Variants in TOX observed in about 807,000 individuals in gnomAD.
TOX encodes the protein thymocyte selection-associated high mobility group box protein TOX.
In TOX, 11 loss-of-function variants were observed where a neutral mutation model predicts 53.7. That is an observed-to-expected ratio of 0.20 (90% CI 0.13 to 0.34). The LOEUF (loss-of-function observed/expected upper bound fraction) is 0.34, where lower values mean the gene tolerates loss of function less well. Among genes scored for constraint, TOX ranks in the 10% least tolerant of loss-of-function variants. The probability of loss-of-function intolerance (pLI) is 1.00; values close to 1 mark genes in which losing one functional copy is unlikely to be tolerated. For missense variants in TOX, 570 were observed against 664.6 expected, an observed-to-expected ratio of 0.86 and a Z score of 1.56; for synonymous variants, 225 against 245.3, an observed-to-expected ratio of 0.92 and a Z score of 0.77.
intron 1 of TOX, among the ~76,000 whole-genome samples, chr8:59,090,099 G>A (rs1335936043): frequency 6.6e-6 from 1 of 152,232 alleles, no homozygotes; most frequent in Admixed American, 6.5e-5. Flanking sequence ...AGTTAAAGAA[G>A]TGACAATATT....
intron 2 of TOX, among the ~76,000 whole-genome samples, chr8:58,952,516 C>A (rs1812637304): frequency 6.6e-6 from 1 of 152,154 alleles, no homozygotes; most frequent in Non-Finnish European, 1.5e-5. Context: ...TGTAAACAAG[C>A]CAAATGGCTG....
At chr8:58,810,828 C>A (rs1309688312) in intron 7 of TOX, among the ~76,000 whole-genome samples, 1 of 151,986 alleles carries the variant, frequency 6.6e-6, no homozygotes, top group Non-Finnish European at 1.5e-5. Flanking sequence ...CACCCCCTTT[C>A]GCTGCCCTTC....
At chr8:58,915,846 G>C (rs1243964645) in intron 3 of TOX, among the ~76,000 whole-genome samples, 3 of 137,710 alleles carry the variant, frequency 2.2e-5, no homozygotes, top group South Asian at 2.5e-4. Flanking sequence ...CCAATACAGA[G>C]AAGTGCTTAA....
rs1334624292 is a variant in TOX at position 58,956,764 on chromosome 8, C to CA, written c.168+3178dup. Among the ~76,000 whole-genome samples, 4 of 152,140 alleles carry CA rather than the reference C, an allele frequency of 2.6e-5. No individual in the cohort carries two copies. In the East Asian group the frequency reaches 7.7e-4, roughly 29 times the overall value. ...TGGAGTGGCTGGGATTACAGGCACACACCACCATGCCTGGCTAATTTTTGT... is the reference window on the plus strand; with the variant it reads ...TGGAGTGGCTGGGATTACAGGCACACAACCACCATGCCTGGCTAATTTTTGT... On this transcript the variant is annotated intron_variant, in intron 2 of 8. Coordinates refer to ENST00000361421, the MANE Select transcript of TOX (RefSeq NM_014729.3).
At chr8:58,905,387 A>G (rs1811796449) in intron 3 of TOX, among the ~76,000 whole-genome samples, 1 of 152,232 alleles carries the variant, frequency 6.6e-6, no homozygotes. Flanking sequence ...TTGACAGGCA[A>G]TGTTTACCAC....
At chr8:59,022,605 T>C (rs1488098297) in intron 1 of TOX, among the ~76,000 whole-genome samples, 2 of 152,182 alleles carry the variant, frequency 1.3e-5, no homozygotes, top group Admixed American at 6.6e-5. Context: ...CTTTTCAGAT[T>C]ACAGGATGAT....
chr8:58,989,231 G>T (rs774928291), intron 1 of TOX, among the ~76,000 whole-genome samples: 1 of 151,888 alleles, frequency 6.6e-6, no homozygotes, highest in South Asian at 2.1e-4. Flanking sequence ...CAGGAGAATC[G>T]CTTGAACCTA....
At chr8:58,954,904 T>C (rs1429150180) in intron 2 of TOX, among the ~76,000 whole-genome samples, 1 of 152,028 alleles carries the variant, frequency 6.6e-6, no homozygotes, top group Non-Finnish European at 1.5e-5. Context: ...AAAGAGAAGA[T>C]AGTGGGTGAG....
intron 3 of TOX, among the ~76,000 whole-genome samples, chr8:58,877,337 T>C (rs1811302653): frequency 6.6e-6 from 1 of 152,162 alleles, no homozygotes; most frequent in South Asian, 2.1e-4. Context: ...AACAGTGACA[T>C]GCACTTTACC....
chr8:58,982,118 G>A (rs927355885), intron 1 of TOX, among the ~76,000 whole-genome samples: 1 of 151,942 alleles, frequency 6.6e-6, no homozygotes, highest in East Asian at 1.9e-4. Context: ...CCACTCACTT[G>A]CCCCTTGATC....
intron 6 of TOX, among the ~76,000 whole-genome samples, chr8:58,816,630 A>C (rs1810183252): frequency 6.6e-6 from 1 of 152,222 alleles, no homozygotes; most frequent in Non-Finnish European, 1.5e-5. Flanking sequence ...AAAAGTGATA[A>C]AATGGATTGG....
intron 3 of TOX, among the ~76,000 whole-genome samples, chr8:58,869,908 G>A (rs1160961833): frequency 2.0e-5 from 3 of 151,682 alleles, no homozygotes. Flanking sequence ...GCAAACCAGG[G>A]GTGGAAAAGA....
intron 3 of TOX, among the ~76,000 whole-genome samples, chr8:58,912,571 A>G (rs1056162478): frequency 1.1e-4 from 17 of 152,248 alleles, no homozygotes; most frequent in African/African-American, 3.9e-4. Context: ...GGGGGTCCCA[A>G]CAACCAGAAT....
chr8:58,818,341 TAGAG>T (rs768437124), intron 6 of TOX, among the ~76,000 whole-genome samples: 8 of 152,126 alleles, frequency 5.3e-5, no homozygotes, highest in Non-Finnish European at 1.2e-4. Context: ...ATTTTTAACA[TAGAG>T]GGAGGGAGAA....
chr8:58,989,914 T>C lies in TOX; in HGVS notation c.103-29906A>G, dbSNP rs181612123. 7.0e-3 allele frequency among the ~76,000 whole-genome samples: 1,066 copies of C among 152,212 alleles called. 6 individuals are homozygous for C. Among genetic ancestry groups the C allele is most frequent in the Non-Finnish European group, 9.9e-3 (673 of 68,012 alleles). The stretch of plus-strand genomic sequence containing the variant: ...TCACACCTCATGACAACCAACATCA[T>C]CTTGATCCATAATTGAGGTCAGACA... On this transcript the variant is annotated intron_variant, in intron 1 of 8. Transcript: ENST00000361421.
At chr8:58,956,934 A>G (rs933012638) in intron 2 of TOX, among the ~76,000 whole-genome samples, 1 of 152,222 alleles carries the variant, frequency 6.6e-6, no homozygotes, top group African/African-American at 2.4e-5. Context: ...ATTATTAACT[A>G]TAGTCCTCAT....
intron 2 of TOX, among the ~76,000 whole-genome samples, chr8:58,949,627 T>G (rs1474400978): frequency 1.3e-5 from 2 of 152,154 alleles, no homozygotes; most frequent in African/African-American, 4.8e-5. Context: ...TATTTTTTAC[T>G]GTTAACAATT....
intron 5 of TOX, among the ~76,000 whole-genome samples, chr8:58,832,974 A>G (rs956290389): frequency 3.3e-5 from 5 of 152,204 alleles, no homozygotes; most frequent in Admixed American, 3.3e-4. Context: ...AGATCTGCTC[A>G]TTAGGTTCTG....
intron 1 of TOX, among the ~76,000 whole-genome samples, chr8:59,109,066 C>T (rs185738379): frequency 6.6e-6 from 1 of 152,278 alleles, no homozygotes; most frequent in African/African-American, 2.4e-5. Context: ...CAAACTAACA[C>T]TGATTAATTT....
Sources: allele counts gnomAD v4.1 joint callset (sites outside exome capture counted in the v4.1 genomes callset), GRCh38; gene constraint gnomAD v4.1.1; transcripts MANE v1.5; gene names NCBI Gene and HGNC (gene_info 2026-07-23, HGNC 2026-07-21).